CTIF: variants seen among roughly 807,000 people sequenced by gnomAD.
The protein encoded by CTIF is cap binding complex dependent translation initiation factor, also known as CBP80/20-dependent translation initiation factor.
In CTIF, 21 loss-of-function variants were observed where a neutral mutation model predicts 66.0. That is an observed-to-expected ratio of 0.32 (90% CI 0.23 to 0.46). CTIF has a LOEUF of 0.46. CTIF is among the 20% of genes least tolerant of loss of function. The probability of loss-of-function intolerance (pLI) is 1.00; values close to 1 mark genes in which losing one functional copy is unlikely to be tolerated. For missense variants in CTIF, 739 were observed against 812.7 expected (o/e 0.91, Z 1.10); for synonymous variants, 345 against 326.4 (o/e 1.06, Z -0.62).
chr18:48,772,927 G>A lies in CTIF; in HGVS notation c.1371+11238G>A, dbSNP rs146424473. On this transcript the variant is annotated intron_variant, in intron 9 of 11. Coordinates refer to ENST00000256413, the MANE Select transcript of CTIF (RefSeq NM_014772.3). ...ATCTGCCAAACTGTTTCCAGGAAGG[G>A]TGTTTTTGATGGGGGAAATATCATG... Among the ~76,000 whole-genome samples the A allele has an allele frequency of 1.3e-3, 196 of 152,318 alleles. 1 individual carries two copies. The highest frequency in any genetic ancestry group is 4.6e-3 in the African/African-American group (192 of 41,582).
At chr18:48,848,755 C>T (rs1227909460) in intron 10 of CTIF, among the ~76,000 whole-genome samples, 3 of 152,242 alleles carry the variant, frequency 2.0e-5, no homozygotes, top group Non-Finnish European at 1.5e-5. Context: ...CTCCAGGAGA[C>T]TCCCACCAGG....
intron 7 of CTIF, among the ~76,000 whole-genome samples, chr18:48,727,786 C>G (rs576489867): frequency 1.2e-4 from 19 of 152,342 alleles, no homozygotes; most frequent in African/African-American, 4.3e-4. Flanking sequence ...GCTGAACTTT[C>G]TAAGATCTTG....
chr18:48,820,271 A>C (rs999666714), intron 10 of CTIF, among the ~76,000 whole-genome samples: 1 of 152,188 alleles, frequency 6.6e-6, no homozygotes, highest in African/African-American at 2.4e-5. Context: ...TGCCTTTCGC[A>C]GCTCCGTAGG....
At chr18:48,810,679 C>T in intron 9 of CTIF, among the ~76,000 whole-genome samples, 1 of 150,382 alleles carries the variant, frequency 6.6e-6, no homozygotes. Flanking sequence ...GTTTTATTTC[C>T]TGATATAATT....
intron 9 of CTIF, among the ~76,000 whole-genome samples, chr18:48,772,266 A>C (rs1205184557): frequency 6.6e-6 from 1 of 152,190 alleles, no homozygotes; most frequent in African/African-American, 2.4e-5. Context: ...AGGGCAGGAC[A>C]GCTTTGTTAC....
chr18:48,799,971 G>T (rs1320054212), intron 9 of CTIF, among the ~76,000 whole-genome samples: 1 of 152,266 alleles, frequency 6.6e-6, no homozygotes, highest in Non-Finnish European at 1.5e-5. Flanking sequence ...CACAGTGAGG[G>T]ATGTCACAAG....
intron 6 of CTIF, among the ~76,000 whole-genome samples, chr18:48,679,603 C>T (rs557376224): frequency 6.6e-6 from 1 of 152,324 alleles, no homozygotes; most frequent in East Asian, 1.9e-4. Flanking sequence ...GGGGAGTCTT[C>T]TGCTCACCCA....
intron 10 of CTIF, among the ~76,000 whole-genome samples, chr18:48,857,387 G>A (rs898451211): frequency 6.6e-6 from 1 of 152,210 alleles, no homozygotes; most frequent in Non-Finnish European, 1.5e-5. Flanking sequence ...TAACCCTGTC[G>A]GAGAAATCAC....
intron 7 of CTIF, among the ~76,000 whole-genome samples, chr18:48,757,452 T>C (rs1908496335): frequency 6.6e-6 from 1 of 152,100 alleles, no homozygotes; most frequent in African/African-American, 2.4e-5. Flanking sequence ...TGGTGAACAG[T>C]CATTCATAGG....
At chr18:48,549,309 C>T (rs764934099) in intron 1 of CTIF, among the ~76,000 whole-genome samples, 12 of 152,176 alleles carry the variant, frequency 7.9e-5, no homozygotes, top group Non-Finnish European at 1.5e-4. Context: ...TATCTTATAT[C>T]TCACCATGAT....
chr18:48,713,171 A>G (rs1005181169), intron 7 of CTIF, among the ~76,000 whole-genome samples: 4 of 152,130 alleles, frequency 2.6e-5, no homozygotes, highest in African/African-American at 9.7e-5. Flanking sequence ...TCAAGGAGGA[A>G]TAGGGTTCAC....
chr18:48,631,289 C>A (rs896232361), intron 2 of CTIF, among the ~76,000 whole-genome samples: 4 of 152,104 alleles, frequency 2.6e-5, no homozygotes, highest in Admixed American at 6.5e-5. Context: ...CATGGTGAAA[C>A]CCTGTCTCTA....
chr18:48,664,320 C>A (rs992676853), intron 4 of CTIF, 127 bp from the exon 5 acceptor site: 87 of 788,852 alleles, frequency 1.1e-4, no homozygotes, highest in Non-Finnish European at 1.8e-4. Context: ...AGTGGGGCTC[C>A]CCGCCTGGCC....
At chr18:48,835,292 C>A (rs1407001759) in intron 10 of CTIF, among the ~76,000 whole-genome samples, 2 of 152,184 alleles carry the variant, frequency 1.3e-5, no homozygotes. Flanking sequence ...ACCTCAAAAG[C>A]CACAGAAAAA....
At chr18:48,601,192 G>A (rs1420445897) in intron 1 of CTIF, among the ~76,000 whole-genome samples, 1 of 152,216 alleles carries the variant, frequency 6.6e-6, no homozygotes, top group East Asian at 1.9e-4. Context: ...GAAGCAAAGA[G>A]GACCTGATCG....
At chr18:48,827,405 A>C (rs2068603791) in intron 10 of CTIF, among the ~76,000 whole-genome samples, 1 of 152,190 alleles carries the variant, frequency 6.6e-6, no homozygotes. Context: ...AAGCGTGGGC[A>C]GGAGAGGGAA....
intron 2 of CTIF, among the ~76,000 whole-genome samples, chr18:48,634,801 C>T (rs1166108462): frequency 6.6e-6 from 1 of 152,224 alleles, no homozygotes; most frequent in Non-Finnish European, 1.5e-5. Context: ...TCCACTGACC[C>T]TTATGGTAGC....
At chr18:48,696,278 A>G (rs8094686) in intron 6 of CTIF, among the ~76,000 whole-genome samples, 2,279 of 152,176 alleles carry the variant, frequency 0.015, 54 homozygotes, top group African/African-American at 0.052. Context: ...CAGCCCTTTC[A>G]CATCAGTAGA....
intron 7 of CTIF, among the ~76,000 whole-genome samples, chr18:48,753,901 C>T (rs944346928): frequency 2.0e-5 from 3 of 152,122 alleles, no homozygotes; most frequent in South Asian, 2.1e-4. Context: ...CCGCAGGTTT[C>T]GTGGGGAGCA....
Sources: gnomAD v4.1 joint callset for allele counts (sites outside exome capture counted in the v4.1 genomes callset) on GRCh38, gnomAD v4.1.1 for gene constraint, MANE v1.5 for transcripts, NCBI Gene and HGNC (gene_info 2026-07-23, HGNC 2026-07-21) for gene names.